Variants in PKD1L1 observed in about 807,000 individuals in gnomAD.
PKD1L1 encodes the protein polycystin 1 like 1, transient receptor potential channel interacting.
Under a neutral mutation model 323.4 loss-of-function variants are expected in PKD1L1, and 236 were observed. That is an observed-to-expected ratio of 0.73 (90% CI 0.66 to 0.81). The LOEUF (loss-of-function observed/expected upper bound fraction) is 0.81, where lower values mean the gene tolerates loss of function less well. PKD1L1 is among the 40% of genes least tolerant of loss of function. The pLI is 0.00. For synonymous variants in PKD1L1, 1,344 were observed against 1,335.0 expected (o/e 1.01, Z -0.15); for missense variants, 3,320 against 3,508.0 (o/e 0.95, Z 1.35).
At position 47,865,219 on chromosome 7, in the gene PKD1L1, A is replaced by G; in HGVS notation, c.4146T>C (p.Asn1382=). 1 of 1,612,466 alleles carries G rather than the reference A, an allele frequency of 6.2e-7. No homozygotes were observed. Among genetic ancestry groups the G allele is most frequent in the Non-Finnish European group, 8.5e-7 (1 of 1,179,076 alleles). Residue 1382 remains asparagine, a synonymous_variant, in exon 26 of 57, where the codon AAT becomes AAC. Coordinates refer to ENST00000289672, the MANE Select transcript of PKD1L1 (RefSeq NM_138295.5). ...TCTGGGAAAAAATTGCACTTACCTT[A>G]TTAGAGAAGCTCACGAGGTCCCTCA... ...LMLRDLVSFS[N]KLGFMSAVLI...
intron 45 of PKD1L1, among the ~76,000 whole-genome samples, chr7:47,826,275 G>A (rs1383779120): frequency 1.3e-5 from 2 of 151,984 alleles, no homozygotes; most frequent in South Asian, 2.1e-4. Flanking sequence ...GTGTGGTGGG[G>A]GCCATCTCAT....
chr7:47,884,978 C>G (rs1786650302), intron 18 of PKD1L1, among the ~76,000 whole-genome samples: 1 of 152,222 alleles, frequency 6.6e-6, no homozygotes, highest in African/African-American at 2.4e-5. Flanking sequence ...ATCCTATCCT[C>G]TCTTCAAGCG....
chr7:47,939,058 C>T (rs768427333), intron 3 of PKD1L1, among the ~76,000 whole-genome samples: 69 of 152,244 alleles, frequency 4.5e-4, no homozygotes, highest in Non-Finnish European at 8.5e-4. Flanking sequence ...ATGTGAGAAA[C>T]GCAGGTAATA....
At chr7:47,807,832 G>C (rs1784812862) in intron 52 of PKD1L1, among the ~76,000 whole-genome samples, 1 of 152,202 alleles carries the variant, frequency 6.6e-6, no homozygotes, top group African/African-American at 2.4e-5. Context: ...CTGATACTCT[G>C]TGAGCTTTGG....
Position 47,835,187 on chromosome 7 carries a change from G to C in PKD1L1, c.6000C>G (p.Thr2000=). 1 of 1,590,150 alleles carries C rather than the reference G, an allele frequency of 6.3e-7. No homozygotes were observed. Among genetic ancestry groups the C allele is most frequent in the South Asian group, 1.1e-5 (1 of 86,986 alleles). ...GCTGGGCCCCTGGAGAAGCCAGGAGGGTACACAGGAGACCCACCCTGAAGG... is the reference window on the plus strand; with the variant it reads ...GCTGGGCCCCTGGAGAAGCCAGGAGCGTACACAGGAGACCCACCCTGAAGG... ...LGSFRVGLLC[T]LLASPGAQLL... is the part of the protein sequence containing the mutation. Residue 2000 remains threonine, a synonymous_variant, in exon 38 of 57, where the codon ACC becomes ACG. Coordinates refer to ENST00000289672, the MANE Select transcript of PKD1L1 (RefSeq NM_138295.5).
chr7:47,803,499 C>T (rs966946757), intron 52 of PKD1L1, among the ~76,000 whole-genome samples, 155 bp from the exon 53 acceptor site: 2 of 152,126 alleles, frequency 1.3e-5, no homozygotes, highest in African/African-American at 4.8e-5. Context: ...CAGATGTCTG[C>T]AGAGGAGAAT....
At chr7:47,863,863 A>C (rs1044362216) in intron 26 of PKD1L1, among the ~76,000 whole-genome samples, 3 of 152,142 alleles carry the variant, frequency 2.0e-5, no homozygotes, top group Non-Finnish European at 4.4e-5. Flanking sequence ...CTCTTAAAAA[A>C]ACACACACAC....
At chr7:47,952,220 T>A (rs1788214574), upstream of PKD1L1, among the ~76,000 whole-genome samples, 2 of 152,192 alleles carry the variant, frequency 1.3e-5, no homozygotes, top group South Asian at 4.1e-4. Flanking sequence ...ATTGATAAGA[T>A]CTTGGTAGAA....
At chr7:47,795,953 C>T (rs1211580033) in intron 55 of PKD1L1, 36 bp downstream of exon 55, 1 of 1,592,312 alleles carries the variant, frequency 6.3e-7, no homozygotes, top group Non-Finnish European at 8.6e-7. Context: ...TGAGTGTGTG[C>T]TATCATGCTC....
chr7:47,907,925 C>A, intron 9 of PKD1L1, 152 bp downstream of exon 9: 2 of 720,646 alleles, frequency 2.8e-6, no homozygotes, highest in Non-Finnish European at 4.3e-6. Flanking sequence ...CAGTATTCTG[C>A]AAGACATATT....
At chr7:47,793,066 G>A (rs1291078393) in intron 55 of PKD1L1, among the ~76,000 whole-genome samples, 1 of 135,738 alleles carries the variant, frequency 7.4e-6, no homozygotes, top group Non-Finnish European at 1.7e-5. Flanking sequence ...CTATTGAATG[G>A]ATTTAAAGGC....
intron 46 of PKD1L1, among the ~76,000 whole-genome samples, chr7:47,818,948 T>C (rs1056879622): frequency 7.9e-5 from 12 of 152,190 alleles, no homozygotes; most frequent in Non-Finnish European, 1.6e-4. Flanking sequence ...TAGATGAAGA[T>C]GCTAAGTCCG....
At chr7:47,867,887 G>A (rs1786201004) in intron 24 of PKD1L1, among the ~76,000 whole-genome samples, 1 of 152,142 alleles carries the variant, frequency 6.6e-6, no homozygotes, top group African/African-American at 2.4e-5. Flanking sequence ...CTTGAAGACA[G>A]AGTAATAGAG....
At chr7:47,833,368 G>A (rs1479432134) in intron 40 of PKD1L1, 116 bp from the exon 41 acceptor site, 12 of 1,213,962 alleles carry the variant, frequency 9.9e-6, no homozygotes, top group East Asian at 2.6e-5. Context: ...CATGGGCGGG[G>A]TGTGGTGCTG....
intron 4 of PKD1L1, among the ~76,000 whole-genome samples, chr7:47,935,878 A>T (rs1183648842): frequency 6.6e-6 from 1 of 152,266 alleles, no homozygotes; most frequent in Non-Finnish European, 1.5e-5. Flanking sequence ...TTGATGGGCC[A>T]CTACCAGTCA....
At chr7:47,950,413 A>G (rs1284998428), upstream of PKD1L1, among the ~76,000 whole-genome samples, 1 of 152,220 alleles carries the variant, frequency 6.6e-6, no homozygotes, top group Non-Finnish European at 1.5e-5. Context: ...AATTGAGGGA[A>G]GAAATATGCC....
rs1160780333 is a variant in PKD1L1 at position 47,886,043 on chromosome 7, T to C, written c.2848A>G (p.Arg950Gly). 4.4e-6 allele frequency: 7 copies of C among 1,607,322 alleles called. No individual in the cohort carries two copies. Among genetic ancestry groups the C allele is most frequent in the Admixed American group, 3.4e-5 (2 of 58,984 alleles). ...EKNRIEVPFC[R>G]VVGLLGSLGL... is the part of the protein sequence containing the mutation. ...AGCGAGCCAAGCAGCCCCACTACTC[T>C]GCAGAAGGGAACTTAAGCAAACGTT... Residue 950 changes from arginine (R) to glycine (G), a missense_variant, in exon 18 of 57, where the codon AGA becomes GGA. Transcript: ENST00000289672.
At chr7:47,782,461 C>G (rs1786720119) in intron 56 of PKD1L1, among the ~76,000 whole-genome samples, 1 of 152,118 alleles carries the variant, frequency 6.6e-6, no homozygotes, top group Non-Finnish European at 1.5e-5. Context: ...TTTTCAAGGA[C>G]AAGGGCTAGT....
Position 47,890,611 on chromosome 7 carries a change from A to T in PKD1L1, c.2606T>A (p.Val869Asp), listed in dbSNP as rs1305146454. ...SYDQFLVMLR[V>D]SSGGRNSSET... is the part of the protein sequence containing the mutation. ...AGAAGAGTTCCGGCCACCACTGGAG[A>T]CCCTCAGCATCACAAGGAACTGATC... The change falls in exon 16 of 57, where the codon GTC (valine) becomes GAC (aspartate). Residue 869 changes from valine to aspartate, a missense_variant. Val to Asp is a radical substitution (Grantham distance 152). Coordinates refer to ENST00000289672, the MANE Select transcript of PKD1L1 (RefSeq NM_138295.5). The T allele has an allele frequency of 6.2e-7, 1 of 1,613,970 alleles. No individual in the cohort carries two copies. Among genetic ancestry groups the T allele is most frequent in the African/African-American group, 1.3e-5 (1 of 74,880 alleles).
Sources: allele counts gnomAD v4.1 joint callset (sites outside exome capture counted in the v4.1 genomes callset), GRCh38; gene constraint gnomAD v4.1.1; transcripts MANE v1.5; gene names NCBI Gene and HGNC (gene_info 2026-07-23, HGNC 2026-07-21).